PIAS1: variants seen among roughly 807,000 people sequenced by gnomAD.
PIAS1 encodes the protein E3 SUMO-protein ligase PIAS1.
In PIAS1, 6 loss-of-function variants were observed where a neutral mutation model predicts 71.3. The observed-to-expected ratio is 0.08, with a 90% CI of 0.05 to 0.17. The LOEUF (loss-of-function observed/expected upper bound fraction) is 0.17, where lower values mean the gene tolerates loss of function less well. Ranked by LOEUF, PIAS1 falls within the 10% of genes least tolerant of loss-of-function variation. The pLI is 1.00. For synonymous variants in PIAS1, 303 were observed against 292.9 expected, an observed-to-expected ratio of 1.03 and a Z score of -0.35; for missense variants, 555 against 793.6, an observed-to-expected ratio of 0.70 and a Z score of 3.61.
At chr15:68,164,472 T>C (rs1263851849) in intron 7 of PIAS1, among the ~76,000 whole-genome samples, 1 of 152,196 alleles carries the variant, frequency 6.6e-6, no homozygotes, top group Non-Finnish European at 1.5e-5. Flanking sequence ...ATTTCTCTCA[T>C]ATTGCTGCAG....
chr15:68,060,625 AC>A (rs1322446511), intron 1 of PIAS1, among the ~76,000 whole-genome samples: 1 of 152,190 alleles, frequency 6.6e-6, no homozygotes, highest in Non-Finnish European at 1.5e-5. Flanking sequence ...AAACAAACAA[AC>A]AAAAAATCCC....
chr15:68,081,730 T>TA (rs1426526902), intron 1 of PIAS1, among the ~76,000 whole-genome samples: 1 of 150,050 alleles, frequency 6.7e-6, no homozygotes, highest in Admixed American at 6.6e-5. Context: ...AAAAAGAAAA[T>TA]AGAGTAAAGG....
rs1030709961 is a variant in PIAS1, at chr15:68,174,478, C to T, written c.1169+586C>T. Among the ~76,000 whole-genome samples the T allele has an allele frequency of 6.6e-6, 1 of 152,178 alleles. No homozygotes were observed. The highest frequency in any genetic ancestry group is 2.4e-5 in the African/African-American group (1 of 41,440). ...TCTATTCTGCAGCCCCCTTTTCCTC[C>T]TGCTTTTTGCCACTAAACAAAAACA... is the stretch of plus-strand genomic sequence containing the variant. On this transcript the variant is annotated intron_variant, in intron 9 of 13. Coordinates refer to ENST00000249636, the MANE Select transcript of PIAS1 (RefSeq NM_016166.3). This position sits in a 1 kb window ranked among gnomAD's most constrained non-coding sequence, Gnocchi z 4.0.
At chr15:68,071,725 G>A (rs1172929540) in intron 1 of PIAS1, among the ~76,000 whole-genome samples, 1 of 151,778 alleles carries the variant, frequency 6.6e-6, no homozygotes, top group Non-Finnish European at 1.5e-5. Context: ...AGCACTTTGG[G>A]AGGCTGACGT....
intron 1 of PIAS1, among the ~76,000 whole-genome samples, chr15:68,072,114 G>T (rs2092103813): frequency 6.6e-6 from 1 of 151,182 alleles, no homozygotes; most frequent in East Asian, 1.9e-4. Flanking sequence ...TTAATGGGAA[G>T]TTGGCCGGGC....
chr15:68,089,919 G>T (rs1378595626), intron 2 of PIAS1, among the ~76,000 whole-genome samples: 4 of 151,302 alleles, frequency 2.6e-5, no homozygotes, highest in African/African-American at 9.7e-5. Context: ...TTGCTCTGTT[G>T]CCCAGGCTGG....
At position 68,187,693 on chromosome 15, in the gene PIAS1, A is replaced by G. The variant is rs754402427; in HGVS notation, c.1814A>G (p.Asn605Ser). ...GGCAGTACTTCTCTGCCAACCACCA[A>G]TGGAAGCAGTAGTGGCAGTAACAGC... is the stretch of plus-strand genomic sequence containing the variant. ...AGGSTSLPTT[N>S]GSSSGSNSSL... is the part of the protein sequence containing the mutation. The change falls in exon 14 of 14, where the codon AAT becomes AGT. Residue 605 changes from asparagine to serine, a missense_variant. Around this residue, in one of 5 missense-constraint regions of PIAS1, gnomAD observed 244 missense variants for 307.5 expected, o/e 0.79. Coordinates refer to ENST00000249636, the MANE Select transcript of PIAS1 (RefSeq NM_016166.3). The surrounding 1 kb of genome is among the most constrained non-coding windows in gnomAD (Gnocchi z 5.3). The G allele has an allele frequency of 4.3e-6, 7 of 1,613,874 alleles. No individual in the cohort carries two copies. The African/African-American group carries it at 6.7e-5, about 15-fold the overall frequency.
intron 2 of PIAS1, among the ~76,000 whole-genome samples, chr15:68,112,166 G>T (rs558768647): frequency 6.6e-6 from 1 of 151,908 alleles, no homozygotes; most frequent in African/African-American, 2.4e-5. Flanking sequence ...GAGGGTGAAT[G>T]CTCTGGTATC....
chr15:68,089,420 A>G (rs1418238650), intron 2 of PIAS1, among the ~76,000 whole-genome samples: 3 of 152,152 alleles, frequency 2.0e-5, no homozygotes, highest in South Asian at 2.1e-4. Flanking sequence ...GTTTGTTTCT[A>G]TGAGGCTTAT....
intron 2 of PIAS1, among the ~76,000 whole-genome samples, chr15:68,126,222 G>C (rs1029193850): frequency 1.3e-4 from 19 of 151,764 alleles, no homozygotes; most frequent in Admixed American, 4.6e-4. Flanking sequence ...TGTTTTCTCT[G>C]TTCTCTCTTT....
At chr15:68,087,824 GT>G (rs1428768385) in intron 2 of PIAS1, 4 of 354,872 alleles carry the variant, frequency 1.1e-5, no homozygotes, top group Non-Finnish European at 2.3e-5. Context: ...TGAAGTGTTT[GT>G]TTTTAATTAT....
intron 6 of PIAS1, 71 bp from the exon 7 acceptor site, chr15:68,153,519 A>T (rs2092864094): frequency 1.4e-6 from 1 of 697,900 alleles, no homozygotes; most frequent in South Asian, 1.8e-5. Context: ...TTTCCCTATC[A>T]TGGTGAGATT....
Position 68,193,678 on chromosome 15 carries a change from G to A in PIAS1, c.*5843G>A, listed in dbSNP as rs1023767604. The A allele has an allele frequency of 8.2e-6, 2 of 245,140 alleles. No individual in the cohort carries two copies. Among genetic ancestry groups the A allele is most frequent in the South Asian group, 7.0e-5 (1 of 14,268 alleles). The allele number at this position is 245,140 out of a possible 1,614,324, so 15.2% of individuals were successfully genotyped here. A position where few individuals can be genotyped will look rare whatever the true frequency, so the allele number is the denominator to read the frequency against. ...GTGGGAATCCAGCTTGTGTGGGGGG[G>A]CTTTGAGGAGTGAAATGATTTGCCC... On this transcript the variant is annotated 3_prime_UTR_variant, in exon 14 of 14. Transcript: ENST00000249636.
Position 68,173,968 on chromosome 15 carries a change from A to G in PIAS1, c.1169+76A>G. On this transcript the variant is annotated intron_variant, in intron 9 of 13. Transcript: ENST00000249636. The surrounding 1 kb of genome is among the most constrained non-coding windows in gnomAD (Gnocchi z 4.3). ...GGGTTTGTTACACATCAGATTTGGG[A>G]TGAAAATTCTAAGTTATATATTTGT... 1 of 935,866 alleles carries G rather than the reference A, an allele frequency of 1.1e-6. No homozygotes were observed. The highest frequency in any genetic ancestry group is 1.5e-6 in the Non-Finnish European group (1 of 688,282). 58.0% of individuals were successfully genotyped at this position (935,866 alleles called of 1,614,324 possible).
In PIAS1 at chr15:68,175,756, A is replaced by G. The variant is rs372264491; in HGVS notation, c.1289A>G (p.Asn430Ser). 29 of 1,603,644 alleles carry G rather than the reference A, an allele frequency of 1.8e-5. No individual in the cohort carries two copies. Among genetic ancestry groups the G allele is most frequent in the African/African-American group, 5.4e-5 (4 of 74,640 alleles). ...GTACAGGAAGTTTCTGCCTCTTACA[A>G]TGGAGTCGATGGTGAGTAGTTCTTC... ...KEVQEVSASY[N>S]GVDGCLSSTL... Residue 430 changes from asparagine (N) to serine (S), a missense_variant, in exon 10 of 14, where the codon AAT becomes AGT. Physicochemically the swap from Asn to Ser is conservative, Grantham distance 46. Coordinates refer to ENST00000249636, the MANE Select transcript of PIAS1 (RefSeq NM_016166.3).
At chr15:68,106,761 T>A (rs1412077323) in intron 2 of PIAS1, among the ~76,000 whole-genome samples, 2 of 152,218 alleles carry the variant, frequency 1.3e-5, no homozygotes, top group African/African-American at 2.4e-5. Context: ...TGAAGGGGGA[T>A]TAGGCTCTAA....
intron 7 of PIAS1, among the ~76,000 whole-genome samples, chr15:68,163,221 T>G (rs1250017746): frequency 1.3e-5 from 2 of 152,230 alleles, no homozygotes; most frequent in Non-Finnish European, 2.9e-5. Flanking sequence ...AAAATCATAT[T>G]TATAAGAAAG....
In PIAS1 at chr15:68,193,346, T is replaced by TGTGTTTTCACTCTA. The variant is rs374380622; in HGVS notation, c.*5526_*5539dup. 6 of 152,436 alleles carry TGTGTTTTCACTCTA rather than the reference T, an allele frequency of 3.9e-5. No individual in the cohort carries two copies. Among genetic ancestry groups the TGTGTTTTCACTCTA allele is most frequent in the African/African-American group, 1.2e-4 (5 of 41,584 alleles). 9.4% of individuals were successfully genotyped at this position (152,436 alleles called of 1,614,324 possible). A position where few individuals can be genotyped will look rare whatever the true frequency, so the allele number is the denominator to read the frequency against. On this transcript the variant is annotated 3_prime_UTR_variant, in exon 14 of 14. Transcript: ENST00000249636. Reference sequence around the variant, plus strand: ...CAGCTGATGCTGCCTCATTGTAGCATGTGTTTTCACTCTAGTGTTTTCACT... The same window carrying TGTGTTTTCACTCTA: ...CAGCTGATGCTGCCTCATTGTAGCATGTGTTTTCACTCTAGTGTTTTCACTCTAGTGTTTTCACT...
intron 9 of PIAS1, 27 bp from the exon 10 acceptor site, chr15:68,175,610 T>G (rs1476829736): frequency 1.8e-5 from 23 of 1,281,054 alleles, no homozygotes; most frequent in Non-Finnish European, 2.3e-5. Flanking sequence ...TTAAAATATA[T>G]TCTAAGGATG....
Sources: allele counts gnomAD v4.1 joint callset (sites outside exome capture counted in the v4.1 genomes callset), GRCh38; gene constraint gnomAD v4.1.1; regional missense constraint gnomAD v4.1.1; non-coding constraint Gnocchi (gnomAD v3.1); transcripts MANE v1.5; gene names NCBI Gene and HGNC (gene_info 2026-07-23, HGNC 2026-07-21).